The following VAV3 variants were observed in gnomAD, a reference collection of about 807,000 sequenced individuals.
VAV3 encodes the protein guanine nucleotide exchange factor VAV3.
A neutral mutation model predicts 131.2 loss-of-function variants in VAV3; 94 were observed. The ratio of observed to expected loss-of-function variants is 0.72; its 90% CI spans 0.61 to 0.85. The LOEUF (loss-of-function observed/expected upper bound fraction) is 0.85. Ranked by LOEUF, VAV3 falls within the 40% of genes least tolerant of loss-of-function variation. The pLI is 0.00. For synonymous variants in VAV3, 349 were observed against 342.0 expected (o/e 1.02, Z -0.22); for missense variants, 939 against 1,002.7 (o/e 0.94, Z 0.86).
chr1:107,808,995 C>T (rs559702584), intron 2 of VAV3, among the ~76,000 whole-genome samples: 1 of 152,140 alleles, frequency 6.6e-6, no homozygotes, highest in African/African-American at 2.4e-5. Context: ...TATAACTTCC[C>T]TAGAAATAAG....
At chr1:107,889,132 AGT>A (rs5776903) in intron 1 of VAV3, among the ~76,000 whole-genome samples, 1,812 of 141,982 alleles carry the variant, frequency 0.013, 29 homozygotes, top group African/African-American at 0.039. Flanking sequence ...TCCTGTGTAG[AGT>A]GTGTGTGTGT....
chr1:107,951,398 T>A (rs926629557), intron 1 of VAV3, among the ~76,000 whole-genome samples: 2 of 152,228 alleles, frequency 1.3e-5, no homozygotes, highest in Admixed American at 1.3e-4. Context: ...GGGAACTTCA[T>A]ATGATTTATC....
chr1:107,596,857 T>A (rs945817043), intron 24 of VAV3, among the ~76,000 whole-genome samples: 5 of 152,232 alleles, frequency 3.3e-5, no homozygotes, highest in Non-Finnish European at 7.3e-5. Context: ...TAGTTTCTGA[T>A]GAAGTATAGT....
intron 25 of VAV3, among the ~76,000 whole-genome samples, chr1:107,588,721 A>C (rs1478109018): frequency 6.6e-6 from 1 of 152,218 alleles, no homozygotes; most frequent in African/African-American, 2.4e-5. Flanking sequence ...AAATCTTTTC[A>C]TGGTACTTCT....
chr1:107,677,498 C>A (rs1658292405), intron 19 of VAV3, among the ~76,000 whole-genome samples: 1 of 152,132 alleles, frequency 6.6e-6, no homozygotes, highest in African/African-American at 2.4e-5. Context: ...ATTCAACCAG[C>A]ATAACCATAG....
At chr1:107,866,403 T>C (rs960334169) in intron 2 of VAV3, among the ~76,000 whole-genome samples, 1 of 152,110 alleles carries the variant, frequency 6.6e-6, no homozygotes, top group Admixed American at 6.6e-5. Flanking sequence ...TTTTGGAAGA[T>C]TATGTTGAAG....
At chr1:107,872,702 A>G (rs939533713) in intron 2 of VAV3, among the ~76,000 whole-genome samples, 1 of 152,192 alleles carries the variant, frequency 6.6e-6, no homozygotes, top group Non-Finnish European at 1.5e-5. Flanking sequence ...GTTATGTGCT[A>G]TGTGAATGTT....
chr1:107,804,761 GTTT>G (rs145356281), intron 2 of VAV3, among the ~76,000 whole-genome samples: 1 of 151,580 alleles, frequency 6.6e-6, no homozygotes, highest in Admixed American at 6.6e-5. Context: ...AATATTTTTG[GTTT>G]TTTTTGTTTG....
chr1:107,861,069 T>C (rs780626077), intron 2 of VAV3, among the ~76,000 whole-genome samples: 7 of 151,658 alleles, frequency 4.6e-5, no homozygotes, highest in East Asian at 1.9e-4. Context: ...GGATCCATAA[T>C]TGGAACTGTT....
intron 1 of VAV3, among the ~76,000 whole-genome samples, chr1:107,890,698 T>C (rs1391381982): frequency 3.3e-5 from 5 of 152,232 alleles, no homozygotes; most frequent in Non-Finnish European, 4.4e-5. Flanking sequence ...CACAGTGAAA[T>C]TAATTTCAAT....
chr1:107,600,840 T>C (rs1651795126), intron 24 of VAV3, among the ~76,000 whole-genome samples: 1 of 152,198 alleles, frequency 6.6e-6, no homozygotes, highest in Non-Finnish European at 1.5e-5. Context: ...GACGATTCCT[T>C]TCATCTTCTT....
intron 15 of VAV3, among the ~76,000 whole-genome samples, chr1:107,728,570 T>C (rs1223911373): frequency 7.4e-6 from 1 of 134,638 alleles, no homozygotes; most frequent in Non-Finnish European, 1.6e-5. Context: ...AGAAAAAATC[T>C]TCATGAGGAC....
intron 1 of VAV3, among the ~76,000 whole-genome samples, chr1:107,938,586 T>A (rs942008830): frequency 6.6e-6 from 1 of 152,168 alleles, no homozygotes; most frequent in African/African-American, 2.4e-5. Context: ...AATCCAGAAG[T>A]GCCCAGTGGA....
chr1:107,704,046 C>T (rs1343609561), intron 17 of VAV3, among the ~76,000 whole-genome samples: 3 of 152,114 alleles, frequency 2.0e-5, no homozygotes, highest in African/African-American at 7.2e-5. Flanking sequence ...AAGATATATG[C>T]TCTTTTTTAA....
chr1:107,841,064 T>C (rs182659777), intron 2 of VAV3, among the ~76,000 whole-genome samples: 2 of 151,964 alleles, frequency 1.3e-5, no homozygotes, highest in African/African-American at 4.8e-5. Flanking sequence ...TAGGGCAGAG[T>C]TGGCCAGTAC....
chr1:107,775,577 C>CAAAAAAAAA (rs34775096), intron 4 of VAV3, among the ~76,000 whole-genome samples: 36 of 56,476 alleles, frequency 6.4e-4, no homozygotes, highest in Non-Finnish European at 7.9e-4. Flanking sequence ...GACTCAGTCA[C>CAAAAAAAAA]AAAAAAAAAA....
At chr1:107,592,223 T>G (rs1484646779) in intron 25 of VAV3, among the ~76,000 whole-genome samples, 4 of 152,122 alleles carry the variant, frequency 2.6e-5, no homozygotes, top group African/African-American at 9.6e-5. Flanking sequence ...TATAGACCAA[T>G]TATTTTGCAG....
At chr1:107,751,228 A>G in intron 12 of VAV3, 26 bp from the exon 13 acceptor site, 1 of 1,558,292 alleles carries the variant, frequency 6.4e-7, no homozygotes, top group South Asian at 1.2e-5. Flanking sequence ...CACATGTCAG[A>G]GTTTTTCATA....
At chr1:107,940,754 T>C (rs1462246042) in intron 1 of VAV3, among the ~76,000 whole-genome samples, 2 of 152,070 alleles carry the variant, frequency 1.3e-5, no homozygotes, top group Admixed American at 6.5e-5. Flanking sequence ...TATGATTCCA[T>C]TTATATGCAG....
Sources: gnomAD v4.1 joint callset for allele counts (sites outside exome capture counted in the v4.1 genomes callset) on GRCh38, gnomAD v4.1.1 for gene constraint, MANE v1.5 for transcripts, NCBI Gene and HGNC (gene_info 2026-07-23, HGNC 2026-07-21) for gene names.